The following AGO2 variants were observed in gnomAD, a reference collection of about 807,000 sequenced individuals.
AGO2 encodes the protein argonaute RISC catalytic component 2.
AGO2 carries 5 observed loss-of-function variants against 102.3 expected under a neutral mutation model. That is an observed-to-expected ratio of 0.05 (90% CI 0.03 to 0.10). The LOEUF is 0.10. Among genes scored for constraint, AGO2 ranks in the 10% least tolerant of loss-of-function variants. The pLI, the probability that AGO2 is intolerant of heterozygous loss-of-function variation, is 1.00. For missense variants in AGO2, 541 were observed against 1,183.7 expected, an observed-to-expected ratio of 0.46 and a Z score of 7.97; for synonymous variants, 449 against 473.1, an observed-to-expected ratio of 0.95 and a Z score of 0.66.
At position 140,540,900 on chromosome 8, in the gene AGO2, G is replaced by A. The variant is rs952076716; in HGVS notation, c.2034+264C>T. ...CTCTGCAAGTCAGCGGAACTCAAGC[G>A]TCTCTCCCCCATCTCTTGGTCCCCA... On this transcript the variant is annotated intron_variant, in intron 15 of 18. Coordinates refer to ENST00000220592, the MANE Select transcript of AGO2 (RefSeq NM_012154.5). This position sits in a 1 kb window ranked among gnomAD's most constrained non-coding sequence, Gnocchi z 5.0. 1.8e-4 allele frequency among the ~76,000 whole-genome samples: 27 copies of A among 152,072 alleles called. No individual in the cohort carries two copies. The highest frequency in any genetic ancestry group is 4.6e-4 in the African/African-American group (19 of 41,400).
intron 13 of AGO2, among the ~76,000 whole-genome samples, chr8:140,544,687 T>C (rs2072866296): frequency 6.6e-6 from 1 of 152,164 alleles, no homozygotes; most frequent in Non-Finnish European, 1.5e-5. Context: ...TGGGGCCAGC[T>C]CGCTCTTTGT....
chr8:140,617,402 C>A (rs1419263044), intron 1 of AGO2, among the ~76,000 whole-genome samples: 1 of 152,182 alleles, frequency 6.6e-6, no homozygotes, highest in Non-Finnish European at 1.5e-5. Context: ...CAGGCAACTG[C>A]CACCATGCCC....
intron 2 of AGO2, among the ~76,000 whole-genome samples, chr8:140,584,804 G>C (rs1395425372): frequency 6.6e-6 from 1 of 152,156 alleles, no homozygotes; most frequent in African/African-American, 2.4e-5. Context: ...GTAACCGGAA[G>C]AGGGTATGAG....
rs575708856 is a variant in AGO2, at chr8:140,525,406, T to G, written c.*6638A>C. 85 of 152,432 alleles carry G rather than the reference T, an allele frequency of 5.6e-4. No homozygotes were observed. Among genetic ancestry groups the G allele is most frequent in the African/African-American group, 1.9e-3 (79 of 41,562 alleles). 9.4% of individuals were successfully genotyped at this position (152,432 alleles called of 1,614,324 possible). A position where few individuals can be genotyped will look rare whatever the true frequency, so the allele number is the denominator to read the frequency against. ...CAGCGGACCCAAGCAGCCTGTACCC[T>G]GGGCCGGCAGGCAGTGGGACACCCA... On this transcript the variant is annotated 3_prime_UTR_variant, in exon 19 of 19. Coordinates refer to ENST00000220592, the MANE Select transcript of AGO2 (RefSeq NM_012154.5).
intron 1 of AGO2, among the ~76,000 whole-genome samples, chr8:140,610,610 C>T (rs1296451699): frequency 9.2e-5 from 14 of 152,338 alleles, no homozygotes; most frequent in East Asian, 5.8e-4. Context: ...CTCCTGAAAG[C>T]GGCCTATTTT....
intron 2 of AGO2, among the ~76,000 whole-genome samples, chr8:140,580,384 G>A (rs1014534360): frequency 2.0e-5 from 3 of 152,214 alleles, no homozygotes; most frequent in East Asian, 1.9e-4. Context: ...ATCTACCCGG[G>A]GCATTGTACA....
intron 1 of AGO2, among the ~76,000 whole-genome samples, chr8:140,615,755 C>T (rs1045178108): frequency 6.6e-6 from 1 of 152,242 alleles, no homozygotes; most frequent in Admixed American, 6.5e-5. Context: ...GCTCTCCACG[C>T]GGCTTCGCCA....
rs919537634 is a variant in AGO2 at position 140,523,282 on chromosome 8, A to C, written c.*8762T>G. On this transcript the variant is annotated 3_prime_UTR_variant, in exon 19 of 19. Coordinates refer to ENST00000220592, the MANE Select transcript of AGO2 (RefSeq NM_012154.5). ...AGAGAACTTTCAATGGTCATAATAC[A>C]TTTTGATTCAAAATGTCTTCTAAAA... 4.6e-5 allele frequency: 7 copies of C among 152,238 alleles called. No homozygotes were observed. Among genetic ancestry groups the C allele is most frequent in the Admixed American group, 4.6e-4 (7 of 15,290 alleles). 9.4% of individuals were successfully genotyped at this position (152,238 alleles called of 1,614,324 possible).
intron 14 of AGO2, among the ~76,000 whole-genome samples, chr8:140,542,704 C>T (rs962557260): frequency 2.6e-5 from 4 of 152,238 alleles, no homozygotes; most frequent in African/African-American, 7.2e-5. Context: ...GGCGCCAGCC[C>T]GCTGTGCTGC....
In AGO2 at chr8:140,547,458, C is replaced by A; in HGVS notation, c.1748+10G>T. The A allele has an allele frequency of 1.2e-6, 2 of 1,612,502 alleles. No individual in the cohort carries two copies. The highest frequency in any genetic ancestry group is 1.7e-6 in the Non-Finnish European group (2 of 1,179,098). ...GGTCCGCAGGCGGAGGTAAAGGGGC[C>A]GGGCCTCACCTGCCCTGGGGCAGCA... is the stretch of plus-strand genomic sequence containing the variant. On this transcript the variant is annotated intron_variant, in intron 13 of 18. Transcript: ENST00000220592.
chr8:140,627,907 G>A (rs1342984928), intron 1 of AGO2, among the ~76,000 whole-genome samples: 2 of 152,128 alleles, frequency 1.3e-5, no homozygotes, highest in Admixed American at 1.3e-4. Flanking sequence ...ACCCCCCAGG[G>A]CTGCTGCCCC....
At chr8:140,615,542 T>G (rs1240193285) in intron 1 of AGO2, among the ~76,000 whole-genome samples, 1 of 152,206 alleles carries the variant, frequency 6.6e-6, no homozygotes, top group Non-Finnish European at 1.5e-5. Flanking sequence ...CAGCATGAAG[T>G]GGGGCCTGCC....
chr8:140,598,865 A>G (rs1182631712), intron 1 of AGO2, among the ~76,000 whole-genome samples: 1 of 152,204 alleles, frequency 6.6e-6, no homozygotes, highest in Non-Finnish European at 1.5e-5. Context: ...TGCAGGACTC[A>G]TGGCTACCGT....
chr8:140,572,753 C>A, intron 3 of AGO2, 59 bp downstream of exon 3: 1 of 1,576,198 alleles, frequency 6.3e-7, no homozygotes, highest in Non-Finnish European at 8.6e-7. Context: ...GACTTTACAA[C>A]ATGTGTGAGC....
chr8:140,559,953 T>C (rs995958165), intron 5 of AGO2, among the ~76,000 whole-genome samples: 1 of 152,236 alleles, frequency 6.6e-6, no homozygotes, highest in Non-Finnish European at 1.5e-5. Flanking sequence ...AGCTCCCAAA[T>C]GAGAAGACAG....
chr8:140,583,598 G>A (rs2073594421), intron 2 of AGO2, among the ~76,000 whole-genome samples: 2 of 152,322 alleles, frequency 1.3e-5, no homozygotes, highest in East Asian at 3.9e-4. Context: ...CCTAGGTCGG[G>A]CCCAGTGGCT....
At position 140,529,009 on chromosome 8, in the gene AGO2, C is replaced by T. The variant is rs1332388304; in HGVS notation, c.*3035G>A. On this transcript the variant is annotated 3_prime_UTR_variant, in exon 19 of 19. Coordinates refer to ENST00000220592, the MANE Select transcript of AGO2 (RefSeq NM_012154.5). ...CCAGGAAGAGTCCCAGTACAGAAAT[C>T]GAATTGGGAGACCTCTTTTAAAGAG... The T allele has an allele frequency of 6.6e-6, 1 of 152,196 alleles. No homozygotes were observed. Among genetic ancestry groups the T allele is most frequent in the African/African-American group, 2.4e-5 (1 of 41,448 alleles). The allele number at this position is 152,196 out of a possible 1,614,324, so 9.4% of individuals were successfully genotyped here.
chr8:140,595,617 T>TATATATATATTATATATATA (rs1564106571), intron 1 of AGO2, among the ~76,000 whole-genome samples: 1 of 6,490 alleles, frequency 1.5e-4, no homozygotes, highest in South Asian at 3.0e-3. Flanking sequence ...ATATATATAA[T>TATATATATATTATATATATA]ATATATATAT....
chr8:140,576,533 G>A (rs952875020), intron 2 of AGO2, among the ~76,000 whole-genome samples: 2 of 152,180 alleles, frequency 1.3e-5, no homozygotes, highest in African/African-American at 2.4e-5. Context: ...ACATCAAAGG[G>A]TGTTCATCAC....
Sources: gnomAD v4.1 joint callset for allele counts (sites outside exome capture counted in the v4.1 genomes callset) on GRCh38, gnomAD v4.1.1 for gene constraint, Gnocchi (gnomAD v3.1) non-coding constraint, MANE v1.5 for transcripts, NCBI Gene and HGNC (gene_info 2026-07-23, HGNC 2026-07-21) for gene names.